WWOX: variants seen among roughly 807,000 people sequenced by gnomAD.
The protein encoded by WWOX is WW domain-containing oxidoreductase.
In WWOX, 69 loss-of-function variants were observed where a neutral mutation model predicts 46.2. The observed-to-expected ratio is 1.49, with a 90% confidence interval of 1.23 to 1.82. WWOX has a LOEUF of 1.82. WWOX is among the 40% of genes most tolerant of loss of function. WWOX has a pLI of 0.00. For synonymous variants in WWOX, 359 were observed against 202.6 expected, an observed-to-expected ratio of 1.77 and a Z score of -6.56; for missense variants, 919 against 542.6, an observed-to-expected ratio of 1.69 and a Z score of -6.89.
chr16:78,771,381 T>C (rs1350043916), intron 8 of WWOX, among the ~76,000 whole-genome samples: 1 of 152,192 alleles, frequency 6.6e-6, no homozygotes, highest in Non-Finnish European at 1.5e-5. Flanking sequence ...CAAAGGTGGT[T>C]ATTACTGTTT....
chr16:78,882,887 C>T (rs1001284455), intron 8 of WWOX, among the ~76,000 whole-genome samples: 1 of 151,502 alleles, frequency 6.6e-6, no homozygotes, highest in Non-Finnish European at 1.5e-5. Flanking sequence ...TCTGCTTGGT[C>T]GAGTGACACA....
intron 8 of WWOX, among the ~76,000 whole-genome samples, chr16:78,549,594 A>G (rs571118638): frequency 2.0e-5 from 3 of 152,278 alleles, no homozygotes; most frequent in Admixed American, 6.5e-5. Flanking sequence ...ACTCCAGACC[A>G]TTTGATCGAA....
At chr16:79,187,761 C>G (rs1280146126) in intron 8 of WWOX, among the ~76,000 whole-genome samples, 1 of 152,124 alleles carries the variant, frequency 6.6e-6, no homozygotes, top group Non-Finnish European at 1.5e-5. Context: ...AGGCTGGTCT[C>G]GAACTCCTGG....
At chr16:78,416,303 G>C (rs959040199) in intron 6 of WWOX, among the ~76,000 whole-genome samples, 5 of 152,160 alleles carry the variant, frequency 3.3e-5, no homozygotes, top group African/African-American at 9.7e-5. Context: ...TGAATAATAA[G>C]AACCTCATTA....
intron 4 of WWOX, among the ~76,000 whole-genome samples, chr16:78,153,390 G>A (rs958647326): frequency 7.2e-5 from 11 of 152,140 alleles, no homozygotes; most frequent in Non-Finnish European, 1.5e-4. Context: ...GGAGGATATA[G>A]GAGAAACTCA....
intron 5 of WWOX, among the ~76,000 whole-genome samples, chr16:78,187,766 A>G (rs1022851458): frequency 6.6e-6 from 1 of 152,194 alleles, no homozygotes; most frequent in Admixed American, 6.5e-5. Flanking sequence ...AGGTTTCAGG[A>G]CCCATGTCTG....
chr16:78,995,905 A>G (rs2046979426), intron 8 of WWOX, among the ~76,000 whole-genome samples: 1 of 152,098 alleles, frequency 6.6e-6, no homozygotes, highest in Admixed American at 6.5e-5. Context: ...TTTCCAAACG[A>G]TTTTGCGTTT....
At chr16:78,842,118 A>G (rs924478511) in intron 8 of WWOX, among the ~76,000 whole-genome samples, 15 of 152,208 alleles carry the variant, frequency 9.9e-5, no homozygotes, top group African/African-American at 2.4e-5. Context: ...TAGAGAGATC[A>G]GCAATGTATC....
At chr16:78,836,135 G>T (rs2051978012) in intron 8 of WWOX, among the ~76,000 whole-genome samples, 1 of 152,016 alleles carries the variant, frequency 6.6e-6, no homozygotes, top group Admixed American at 6.6e-5. Context: ...ATACCGCCTG[G>T]CCTCTTCTTT....
intron 8 of WWOX, among the ~76,000 whole-genome samples, chr16:79,001,792 T>G (rs112118965): frequency 3.3e-5 from 5 of 152,174 alleles, no homozygotes. Context: ...AAAGCCTCTC[T>G]GCAGTGAACC....
chr16:78,407,507 A>C (rs1005244980), intron 6 of WWOX, among the ~76,000 whole-genome samples: 1 of 152,174 alleles, frequency 6.6e-6, no homozygotes, highest in Admixed American at 6.5e-5. Context: ...TAACAATTTC[A>C]CTTACAAATC....
intron 8 of WWOX, among the ~76,000 whole-genome samples, chr16:79,146,052 A>C (rs1283295835): frequency 1.3e-5 from 2 of 152,182 alleles, no homozygotes; most frequent in Non-Finnish European, 2.9e-5. Flanking sequence ...TTGATAACAT[A>C]AATACCGGTA....
At chr16:78,850,182 C>G (rs750837432) in intron 8 of WWOX, among the ~76,000 whole-genome samples, 13 of 151,692 alleles carry the variant, frequency 8.6e-5, no homozygotes, top group Non-Finnish European at 1.8e-4. Context: ...GTGTAAAATA[C>G]CAAAGAGAAA....
intron 8 of WWOX, among the ~76,000 whole-genome samples, chr16:78,962,556 A>G (rs2046291283): frequency 1.3e-5 from 2 of 152,120 alleles, no homozygotes; most frequent in Non-Finnish European, 2.9e-5. Flanking sequence ...TGGTTTTCCA[A>G]GTGAATGCAT....
intron 5 of WWOX, among the ~76,000 whole-genome samples, chr16:78,246,168 A>G (rs2037808934): frequency 6.6e-6 from 1 of 152,116 alleles, no homozygotes; most frequent in Non-Finnish European, 1.5e-5. Flanking sequence ...TTCTGTTGCC[A>G]TTGAAACATT....
At chr16:78,296,426 G>T (rs1270007062) in intron 5 of WWOX, among the ~76,000 whole-genome samples, 1 of 151,646 alleles carries the variant, frequency 6.6e-6, no homozygotes, top group Non-Finnish European at 1.5e-5. Context: ...TAATTTCATG[G>T]TTTATAGCAT....
chr16:79,183,403 G>A (rs374422276), intron 8 of WWOX, among the ~76,000 whole-genome samples: 1 of 152,180 alleles, frequency 6.6e-6, no homozygotes, highest in Non-Finnish European at 1.5e-5. Flanking sequence ...AAATGCTAGC[G>A]CAGATGACGT....
rs150193988 is a variant in WWOX at position 78,500,751 on chromosome 16, G to C, written c.1056+67999G>C. Among the ~76,000 whole-genome samples, 669 of 152,260 alleles carry C rather than the reference G, an allele frequency of 4.4e-3. 5 individuals are homozygous for C. The highest frequency in any genetic ancestry group is 0.015 in the African/African-American group (641 of 41,558). ...AAGCCCCAGTAATATCATTTAATTC[G>C]AAAGCTTTTTTCTATGATGAATTAT... On this transcript the variant is annotated intron_variant, in intron 8 of 8. Coordinates refer to ENST00000566780, the MANE Select transcript of WWOX (RefSeq NM_016373.4).
At chr16:78,833,213 G>A (rs1220142653) in intron 8 of WWOX, among the ~76,000 whole-genome samples, 1 of 151,900 alleles carries the variant, frequency 6.6e-6, no homozygotes, top group Admixed American at 6.6e-5. Flanking sequence ...GGTTAATTTT[G>A]ACTATTTTTT....
Sources: allele counts gnomAD v4.1 joint callset (sites outside exome capture counted in the v4.1 genomes callset), GRCh38; gene constraint gnomAD v4.1.1; transcripts MANE v1.5; gene names NCBI Gene and HGNC (gene_info 2026-07-23, HGNC 2026-07-21).